ZNF654: variants seen among roughly 807,000 people sequenced by gnomAD.
The protein encoded by ZNF654 is melanoma-associated antigen.
A neutral mutation model predicts 95.3 loss-of-function variants in ZNF654; 19 were observed. The ratio of observed to expected loss-of-function variants is 0.20; its 90% CI spans 0.14 to 0.29. The LOEUF is 0.29. Ranked by LOEUF, ZNF654 falls within the 10% of genes least tolerant of loss-of-function variation. ZNF654 has a pLI of 1.00. For missense variants in ZNF654, 1,046 were observed against 1,341.0 expected, an observed-to-expected ratio of 0.78 and a Z score of 3.44; for synonymous variants, 413 against 457.9, an observed-to-expected ratio of 0.90 and a Z score of 1.25.
chr3:88,116,385 C>T (rs141662024), intron 3 of ZNF654, among the ~76,000 whole-genome samples: 81 of 151,728 alleles, frequency 5.3e-4, no homozygotes, highest in African/African-American at 1.6e-3. Flanking sequence ...CAGGTCGTGG[C>T]GGCTCATGCC....
intron 2 of ZNF654, among the ~76,000 whole-genome samples, chr3:88,094,688 A>G (rs1015016771): frequency 1.1e-4 from 16 of 152,148 alleles, no homozygotes; most frequent in Non-Finnish European, 1.8e-4. Context: ...AAAGATGTAT[A>G]TAGTCATTAT....
intron 1 of ZNF654, among the ~76,000 whole-genome samples, chr3:88,085,167 GTTC>G (rs925504953): frequency 3.9e-5 from 6 of 152,200 alleles, no homozygotes; most frequent in Admixed American, 2.0e-4. Flanking sequence ...GGCTCTGAGT[GTTC>G]TTGGCTTTTC....
intron 1 of ZNF654, among the ~76,000 whole-genome samples, chr3:88,068,186 T>C (rs1233715546): frequency 6.6e-6 from 1 of 151,928 alleles, no homozygotes; most frequent in Admixed American, 6.6e-5. Context: ...GAATGCAGAG[T>C]GACCATTAGT....
chr3:88,066,456 C>T (rs757862101), intron 1 of ZNF654, among the ~76,000 whole-genome samples: 22 of 152,070 alleles, frequency 1.4e-4, no homozygotes, highest in Non-Finnish European at 2.8e-4. Context: ...CACCTGTAGT[C>T]CCAGCTACTT....
intron 2 of ZNF654, among the ~76,000 whole-genome samples, chr3:88,099,895 A>G (rs1240929025): frequency 6.6e-6 from 1 of 152,234 alleles, no homozygotes; most frequent in Non-Finnish European, 1.5e-5. Flanking sequence ...AGGCAATACC[A>G]TTGAGGACAT....
At chr3:88,129,500 T>C (rs1706322481) in intron 5 of ZNF654, among the ~76,000 whole-genome samples, 187 bp from the exon 6 acceptor site, 1 of 152,102 alleles carries the variant, frequency 6.6e-6, no homozygotes, top group African/African-American at 2.4e-5. Flanking sequence ...AAAGTAGTCA[T>C]TGTAAAATGT....
chr3:88,113,600 T>G (rs78717784), intron 3 of ZNF654, among the ~76,000 whole-genome samples: 1 of 152,092 alleles, frequency 6.6e-6, no homozygotes, highest in African/African-American at 2.4e-5. Context: ...GATTTTTTTT[T>G]ATTTTTGGGC....
In ZNF654 at chr3:88,059,509, A is replaced by C; in HGVS notation, c.186+4A>C. The stretch of plus-strand genomic sequence containing the variant: ...TTACTGCCGACGCTTCTGTCAGGTG[A>C]GGCGTCCGTTGGCCGCCCCGACTTG... On this transcript the variant is annotated splice_donor_region_variant and intron_variant, in intron 1 of 8. Coordinates refer to ENST00000636215, the MANE Select transcript of ZNF654 (RefSeq NM_001350134.2). 1 of 1,470,478 alleles carries C rather than the reference A, an allele frequency of 6.8e-7. No homozygotes were observed. The highest frequency in any genetic ancestry group is 8.9e-7 in the Non-Finnish European group (1 of 1,119,212). The allele number at this position is 1,470,478 out of a possible 1,614,324, so 91.1% of individuals were successfully genotyped here. A position where few individuals can be genotyped will look rare whatever the true frequency, so the allele number is the denominator to read the frequency against.
intron 1 of ZNF654, among the ~76,000 whole-genome samples, chr3:88,068,919 T>C (rs1262211217): frequency 6.6e-6 from 1 of 152,166 alleles, no homozygotes; most frequent in African/African-American, 2.4e-5. Context: ...TACATTGTAT[T>C]GTATCTAGGA....
At chr3:88,091,024 A>G (rs1043656521) in intron 2 of ZNF654, among the ~76,000 whole-genome samples, 2 of 152,226 alleles carry the variant, frequency 1.3e-5, no homozygotes, top group African/African-American at 2.4e-5. Flanking sequence ...ATACACAAAT[A>G]CTATTGTTAC....
chr3:88,070,687 G>C (rs79064595), intron 1 of ZNF654, among the ~76,000 whole-genome samples: 3,423 of 150,566 alleles, frequency 0.023, 57 homozygotes, highest in South Asian at 0.035. Flanking sequence ...GAGAAAGTAT[G>C]GCCCATAAGC....
chr3:88,131,860 A>G (rs151283803), intron 6 of ZNF654, among the ~76,000 whole-genome samples: 2,393 of 151,910 alleles, frequency 0.016, 57 homozygotes, highest in Non-Finnish European at 0.019. Flanking sequence ...TCAGCCTCCA[A>G]AGTCTGTGCT....
intron 1 of ZNF654, 27 bp downstream of exon 1, chr3:88,059,532 T>C (rs774096559): frequency 6.9e-7 from 1 of 1,458,994 alleles, no homozygotes; most frequent in Non-Finnish European, 9.0e-7. Context: ...CCGCCCCGAC[T>C]TGTCACCCGG....
chr3:88,060,398 C>T (rs540356666), intron 1 of ZNF654, among the ~76,000 whole-genome samples: 1 of 152,134 alleles, frequency 6.6e-6, no homozygotes, highest in Admixed American at 6.5e-5. Flanking sequence ...AGTTTGTGTA[C>T]TCTGCATTCT....
chr3:88,077,581 C>A (rs1216700182), intron 1 of ZNF654, among the ~76,000 whole-genome samples: 1 of 151,944 alleles, frequency 6.6e-6, no homozygotes, highest in Non-Finnish European at 1.5e-5. Context: ...TGAAATATAC[C>A]CATGAAAAAC....
At chr3:88,097,209 A>G (rs1416166118) in intron 2 of ZNF654, among the ~76,000 whole-genome samples, 1 of 152,176 alleles carries the variant, frequency 6.6e-6, no homozygotes, top group Non-Finnish European at 1.5e-5. Context: ...GCTAGATCAA[A>G]GAGTGTAATT....
At chr3:88,094,507 G>A (rs1388864829) in intron 2 of ZNF654, among the ~76,000 whole-genome samples, 4 of 152,024 alleles carry the variant, frequency 2.6e-5, no homozygotes, top group African/African-American at 9.7e-5. Flanking sequence ...AGAATCTAGA[G>A]GGCTGTAGAT....
intron 1 of ZNF654, among the ~76,000 whole-genome samples, chr3:88,062,953 A>G (rs1706972171): frequency 6.6e-6 from 1 of 152,222 alleles, no homozygotes; most frequent in African/African-American, 2.4e-5. Flanking sequence ...TTCGCAGTAA[A>G]CTTGAGAGAA....
intron 2 of ZNF654, among the ~76,000 whole-genome samples, chr3:88,100,326 G>A (rs1209691156): frequency 2.6e-5 from 4 of 152,172 alleles, no homozygotes; most frequent in Non-Finnish European, 5.9e-5. Flanking sequence ...GGAAACAACA[G>A]GTGCTGGAGA....
Sources: gnomAD v4.1 joint callset for allele counts (sites outside exome capture counted in the v4.1 genomes callset) on GRCh38, gnomAD v4.1.1 for gene constraint, MANE v1.5 for transcripts, NCBI Gene and HGNC (gene_info 2026-07-23, HGNC 2026-07-21) for gene names.